Variants in UBE2F observed in about 807,000 individuals in gnomAD.
UBE2F encodes NEDD8-conjugating enzyme UBE2F.
Under a neutral mutation model 29.6 loss-of-function variants are expected in UBE2F, and 5 were observed. The observed-to-expected ratio is 0.17, with a 90% CI of 0.09 to 0.36. UBE2F has a LOEUF of 0.36. Among genes scored for constraint, UBE2F ranks in the 10% least tolerant of loss-of-function variants. The pLI is 1.00. For synonymous variants in UBE2F, 66 were observed against 81.8 expected (o/e 0.81, Z 1.04); for missense variants, 141 against 228.5 (o/e 0.62, Z 2.47).
chr2:238,020,030 C>T (rs2064256018), intron 5 of UBE2F, among the ~76,000 whole-genome samples: 1 of 152,120 alleles, frequency 6.6e-6, no homozygotes, highest in East Asian at 1.9e-4. Context: ...TTCTAGGGGC[C>T]AGCATATGTC....
At chr2:237,998,049 C>T (rs556707587) in intron 4 of UBE2F, among the ~76,000 whole-genome samples, 44 of 152,296 alleles carry the variant, frequency 2.9e-4, no homozygotes, top group Non-Finnish European at 5.3e-4. Flanking sequence ...TCACCTCAGC[C>T]TGCCCTGCTG....
At chr2:237,997,677 G>A (rs2063717755) in intron 4 of UBE2F, among the ~76,000 whole-genome samples, 1 of 152,198 alleles carries the variant, frequency 6.6e-6, no homozygotes, top group South Asian at 2.1e-4. Flanking sequence ...GGTCAAGAGT[G>A]GAAGAATTGC....
intron 3 of UBE2F, among the ~76,000 whole-genome samples, chr2:237,990,862 C>A (rs1314053393): frequency 1.3e-5 from 2 of 152,004 alleles, no homozygotes; most frequent in Admixed American, 1.3e-4. Flanking sequence ...GTGATCCTCC[C>A]ACCTTGGCCT....
intron 6 of UBE2F, among the ~76,000 whole-genome samples, chr2:238,025,877 G>A (rs940865088): frequency 3.3e-5 from 5 of 152,316 alleles, no homozygotes; most frequent in Admixed American, 3.3e-4. Flanking sequence ...CCTGATAGAT[G>A]TCAGGGCACT....
chr2:238,017,503 T>G (rs982464827), intron 5 of UBE2F, among the ~76,000 whole-genome samples: 1 of 151,954 alleles, frequency 6.6e-6, no homozygotes, highest in African/African-American at 2.4e-5. Context: ...AACTCAGATG[T>G]GGGGGTTTGG....
chr2:237,969,236 G>T (rs1283609172), intron 1 of UBE2F, among the ~76,000 whole-genome samples: 7 of 152,068 alleles, frequency 4.6e-5, no homozygotes, highest in Non-Finnish European at 1.5e-5. Flanking sequence ...AGCGTCTTCT[G>T]CCCACAGAGA....
chr2:238,005,605 G>GTT (rs34941196), intron 4 of UBE2F, among the ~76,000 whole-genome samples: 51,203 of 148,914 alleles, frequency 0.34, 8,822 homozygotes, highest in Non-Finnish European at 0.37. Context: ...TAGTTTTCTG[G>GTT]TTTTTTTTTT....
In UBE2F at chr2:237,967,128, C is replaced by T; in HGVS notation, c.-21C>T. On this transcript the variant is annotated 5_prime_UTR_variant, in exon 1 of 10. Transcript: ENST00000272930. The surrounding 1 kb of genome is among the most constrained non-coding windows in gnomAD (Gnocchi z 6.3). ...GGCCCGCCTCGCCTGTCTCGGGGAG[C>T]CCAGGTGAGGAGCGACCGTGCGGCT... is the stretch of plus-strand genomic sequence containing the variant. The T allele has an allele frequency of 7.5e-7, 1 of 1,326,914 alleles. No individual in the cohort carries two copies. Among genetic ancestry groups the T allele is most frequent in the Non-Finnish European group, 9.7e-7 (1 of 1,034,406 alleles). The allele number at this position is 1,326,914 out of a possible 1,614,324, so 82.2% of individuals were successfully genotyped here. A position where few individuals can be genotyped will look rare whatever the true frequency, so the allele number is the denominator to read the frequency against.
intron 4 of UBE2F, among the ~76,000 whole-genome samples, chr2:238,007,215 G>A (rs186600150): frequency 2.6e-5 from 4 of 152,150 alleles, no homozygotes; most frequent in South Asian, 4.1e-4. Flanking sequence ...TCTGCCTCCC[G>A]GGTTCAGGCG....
intron 8 of UBE2F, among the ~76,000 whole-genome samples, chr2:238,033,184 G>A (rs1030476975): frequency 3.3e-5 from 5 of 152,196 alleles, no homozygotes; most frequent in African/African-American, 1.2e-4. Flanking sequence ...CAGAGTTGTT[G>A]TCTTTTTGTC....
chr2:238,025,149 C>G, intron 5 of UBE2F, 193 bp from the exon 6 acceptor site: 1 of 584,214 alleles, frequency 1.7e-6, no homozygotes, highest in East Asian at 3.0e-5. Context: ...CTTGTGGATG[C>G]AGCGCATCAA....
At chr2:238,014,609 G>A (rs951762620) in intron 4 of UBE2F, among the ~76,000 whole-genome samples, 21 of 152,198 alleles carry the variant, frequency 1.4e-4, no homozygotes, top group African/African-American at 3.9e-4. Context: ...AGGGTGTCTC[G>A]CATGGGTAGT....
At chr2:238,021,849 C>T (rs1260910753) in intron 5 of UBE2F, among the ~76,000 whole-genome samples, 2 of 152,166 alleles carry the variant, frequency 1.3e-5, no homozygotes, top group African/African-American at 4.8e-5. Flanking sequence ...GGTCTGCTGC[C>T]CCAGAATAAA....
chr2:238,000,172 G>A (rs892509155), intron 4 of UBE2F, among the ~76,000 whole-genome samples: 5 of 151,992 alleles, frequency 3.3e-5, no homozygotes, highest in East Asian at 1.9e-4. Context: ...TATTGATGTC[G>A]CCTTTTTCAT....
intron 4 of UBE2F, among the ~76,000 whole-genome samples, chr2:238,003,995 T>C (rs1439746306): frequency 6.6e-6 from 1 of 152,256 alleles, no homozygotes; most frequent in Non-Finnish European, 1.5e-5. Context: ...ATTATTTAAA[T>C]GAACCCAAAC....
intron 5 of UBE2F, among the ~76,000 whole-genome samples, chr2:238,024,972 A>G (rs1260781600): frequency 6.6e-6 from 1 of 152,244 alleles, no homozygotes; most frequent in East Asian, 1.9e-4. Context: ...CAGAGGATGT[A>G]GAACTATTCC....
intron 2 of UBE2F, among the ~76,000 whole-genome samples, chr2:237,987,650 G>T (rs547826526): frequency 1.6e-4 from 25 of 152,084 alleles, no homozygotes; most frequent in Non-Finnish European, 3.1e-4. Context: ...TCCAGTACTT[G>T]GAACCACTTT....
chr2:238,010,842 T>C (rs2064006515), intron 4 of UBE2F, among the ~76,000 whole-genome samples: 1 of 152,206 alleles, frequency 6.6e-6, no homozygotes, highest in South Asian at 2.1e-4. Flanking sequence ...CTCAAGTTAA[T>C]GTGTCTGATT....
chr2:238,003,899 T>A (rs2063848848), intron 4 of UBE2F, among the ~76,000 whole-genome samples: 1 of 152,216 alleles, frequency 6.6e-6, no homozygotes, highest in Non-Finnish European at 1.5e-5. Context: ...GTTGCCTCGA[T>A]CTGCTTTGTA....
Sources: allele counts gnomAD v4.1 joint callset (sites outside exome capture counted in the v4.1 genomes callset), GRCh38; gene constraint gnomAD v4.1.1; non-coding constraint Gnocchi (gnomAD v3.1); transcripts MANE v1.5; gene names NCBI Gene and HGNC (gene_info 2026-07-23, HGNC 2026-07-21).